PTPRD: variants seen among roughly 807,000 people sequenced by gnomAD.
PTPRD encodes the protein receptor-type tyrosine-protein phosphatase delta.
In PTPRD, 34 loss-of-function variants were observed where a neutral mutation model predicts 214.5. That is an observed-to-expected ratio of 0.16 (90% confidence interval 0.12 to 0.21). PTPRD has a LOEUF of 0.21. PTPRD is among the 10% of genes least tolerant of loss of function. The probability of loss-of-function intolerance (pLI) is 1.00; values close to 1 mark genes in which losing one functional copy is unlikely to be tolerated. For missense variants in PTPRD, 2,545 were observed against 2,398.7 expected (o/e 1.06, Z -1.27); for synonymous variants, 1,128 against 845.7 (o/e 1.33, Z -5.79).
intron 7 of PTPRD, among the ~76,000 whole-genome samples, chr9:9,671,804 T>A (rs1253208162): frequency 6.6e-6 from 1 of 152,208 alleles, no homozygotes; most frequent in Admixed American, 6.6e-5. Flanking sequence ...CATGTAGAAC[T>A]GTAAGTCTAA....
intron 9 of PTPRD, among the ~76,000 whole-genome samples, chr9:9,326,109 A>G (rs1428818930): frequency 2.6e-5 from 4 of 151,756 alleles, no homozygotes; most frequent in South Asian, 2.1e-4. Flanking sequence ...TCTTAAGTGA[A>G]CTCCACAATA....
intron 9 of PTPRD, among the ~76,000 whole-genome samples, chr9:9,310,977 G>A (rs1179830687): frequency 1.3e-5 from 1 of 76,504 alleles, no homozygotes; most frequent in African/African-American, 5.2e-5. Flanking sequence ...TTCTCGGTGG[G>A]AGGCCCATCT....
chr9:10,449,108 T>C (rs1347565887), intron 2 of PTPRD, among the ~76,000 whole-genome samples: 1 of 150,412 alleles, frequency 6.6e-6, no homozygotes, highest in Non-Finnish European at 1.5e-5. Flanking sequence ...TGGACTGTAC[T>C]GCCGCCATCT....
chr9:10,538,538 G>A (rs1590340845), intron 2 of PTPRD, among the ~76,000 whole-genome samples: 1 of 151,958 alleles, frequency 6.6e-6, no homozygotes, highest in Admixed American at 6.6e-5. Context: ...ATTTCTTTAT[G>A]ATGATTCCCA....
At chr9:8,865,907 G>A (rs1022629005) in intron 11 of PTPRD, among the ~76,000 whole-genome samples, 3 of 152,090 alleles carry the variant, frequency 2.0e-5, no homozygotes, top group Non-Finnish European at 2.9e-5. Flanking sequence ...GTAGTTCCAC[G>A]GAACTTTTGA....
At chr9:9,968,380 C>T (rs1385287209) in intron 4 of PTPRD, among the ~76,000 whole-genome samples, 2 of 152,116 alleles carry the variant, frequency 1.3e-5, no homozygotes, top group Non-Finnish European at 2.9e-5. Context: ...TTAAGATACG[C>T]TTTGAGTAAA....
chr9:9,937,805 TA>T (rs922519820), intron 5 of PTPRD, among the ~76,000 whole-genome samples: 1 of 152,140 alleles, frequency 6.6e-6, no homozygotes, highest in Non-Finnish European at 1.5e-5. Context: ...GAAAATCATT[TA>T]AAAAAATAAG....
chr9:8,566,396 C>T (rs1234984542), intron 14 of PTPRD, among the ~76,000 whole-genome samples: 1 of 152,138 alleles, frequency 6.6e-6, no homozygotes, highest in Non-Finnish European at 1.5e-5. Context: ...GGAGTTACAT[C>T]CCTTATTTGG....
At chr9:9,391,273 G>T in intron 9 of PTPRD, among the ~76,000 whole-genome samples, 1 of 152,070 alleles carries the variant, frequency 6.6e-6, no homozygotes, top group East Asian at 1.9e-4. Flanking sequence ...TTCAAAACTA[G>T]AGGCTATAAA....
chr9:9,325,501 G>A lies in PTPRD; in HGVS notation c.-203+71948C>T, dbSNP rs139640304. Among the ~76,000 whole-genome samples the A allele has an allele frequency of 4.4e-3, 675 of 152,084 alleles. 4 individuals are homozygous for A. Among genetic ancestry groups the A allele is most frequent in the African/African-American group, 0.014 (582 of 41,512 alleles). On this transcript the variant is annotated intron_variant, in intron 9 of 45. Transcript: ENST00000381196. The stretch of plus-strand genomic sequence containing the variant: ...TTATTTGGCTCTCTGTTTGTCTGTT[G>A]TTGGTGTATAGGAATGCTTGTTATT...
intron 9 of PTPRD, among the ~76,000 whole-genome samples, chr9:9,278,696 C>T (rs946540529): frequency 6.6e-6 from 1 of 151,320 alleles, no homozygotes; most frequent in African/African-American, 2.4e-5. Flanking sequence ...ATTTTAGTGT[C>T]AGTCAGACCT....
At chr9:9,673,719 GA>G (rs554118414) in intron 7 of PTPRD, among the ~76,000 whole-genome samples, 235 of 143,772 alleles carry the variant, frequency 1.6e-3, no homozygotes, top group African/African-American at 5.2e-3. Context: ...AGACAATTTA[GA>G]AAAAAAAAAG....
intron 2 of PTPRD, among the ~76,000 whole-genome samples, chr9:10,405,344 AC>A (rs1333942683): frequency 6.6e-6 from 1 of 151,656 alleles, no homozygotes; most frequent in Non-Finnish European, 1.5e-5. Context: ...ACAGACAGTG[AC>A]ATGGAATTTT....
chr9:8,824,477 G>A (rs2097137456), intron 11 of PTPRD, among the ~76,000 whole-genome samples: 1 of 152,142 alleles, frequency 6.6e-6, no homozygotes, highest in African/African-American at 2.4e-5. Context: ...TAACTTTTGA[G>A]TTTTGACAAA....
intron 5 of PTPRD, among the ~76,000 whole-genome samples, chr9:9,851,991 TC>T (rs2060633211): frequency 6.6e-6 from 1 of 152,166 alleles, no homozygotes; most frequent in African/African-American, 2.4e-5. Context: ...GTCCCCGATT[TC>T]AGATTTAACA....
intron 44 of PTPRD, among the ~76,000 whole-genome samples, chr9:8,322,940 G>T (rs899988430): frequency 2.0e-5 from 3 of 152,088 alleles, no homozygotes; most frequent in African/African-American, 7.2e-5. Context: ...GGGCTCTCAA[G>T]AATTACACTA....
rs73396871 is a variant in PTPRD, at chr9:9,804,891, G to C, written c.-367-38040C>G. 1.8e-3 allele frequency among the ~76,000 whole-genome samples: 278 copies of C among 151,694 alleles called. 2 individuals carry two copies. Among genetic ancestry groups the C allele is most frequent in the African/African-American group, 6.5e-3 (270 of 41,430 alleles). On this transcript the variant is annotated intron_variant, in intron 5 of 45. Coordinates refer to ENST00000381196, the MANE Select transcript of PTPRD (RefSeq NM_002839.4). ...ATTTACTTGATAGAAGAAATTCCTT[G>C]TTAAGTATTATAATTTTATATGATT...
chr9:9,286,306 A>G (rs1220018287), intron 9 of PTPRD, among the ~76,000 whole-genome samples: 1 of 151,880 alleles, frequency 6.6e-6, no homozygotes, highest in African/African-American at 2.4e-5. Context: ...TTTTGTTATC[A>G]GATGAGTCCC....
intron 5 of PTPRD, among the ~76,000 whole-genome samples, chr9:9,827,856 C>T (rs2053480351): frequency 6.6e-6 from 1 of 152,146 alleles, no homozygotes; most frequent in Admixed American, 6.6e-5. Context: ...TATGAACAGA[C>T]ACTTGTCAAC....
Sources: gnomAD v4.1 joint callset for allele counts (sites outside exome capture counted in the v4.1 genomes callset) on GRCh38, gnomAD v4.1.1 for gene constraint, MANE v1.5 for transcripts, NCBI Gene and HGNC (gene_info 2026-07-23, HGNC 2026-07-21) for gene names.